FBN3: variants seen among roughly 807,000 people sequenced by gnomAD.
The protein encoded by FBN3 is fibrillin 3.
A neutral mutation model predicts 330.1 loss-of-function variants in FBN3; 234 were observed. That is an observed-to-expected ratio of 0.71 (90% CI 0.64 to 0.79). The LOEUF is 0.79. FBN3 is among the 30% of genes least tolerant of loss of function. The pLI, the probability that FBN3 is intolerant of heterozygous loss-of-function variation, is 0.00. For missense variants in FBN3, 3,606 were observed against 3,886.9 expected, an observed-to-expected ratio of 0.93 and a Z score of 1.92; for synonymous variants, 1,458 against 1,517.3, an observed-to-expected ratio of 0.96 and a Z score of 0.91.
At chr19:8,105,407 G>C (rs556172048) in intron 38 of FBN3, among the ~76,000 whole-genome samples, 2 of 151,956 alleles carry the variant, frequency 1.3e-5, no homozygotes, top group Admixed American at 6.6e-5. Flanking sequence ...ACAGGCGTGA[G>C]TCACCATGCC....
chr19:8,125,945 CG>C lies in FBN3; in HGVS notation c.2677del (p.Arg893AlafsTer8), dbSNP rs760893142. 2 of 1,613,872 alleles carry C rather than the reference CG, an allele frequency of 1.2e-6. No homozygotes were observed. The highest frequency in any genetic ancestry group is 2.2e-5 in the South Asian group (2 of 91,078). The stretch of plus-strand genomic sequence containing the variant: ...CATCAGGCCCTCTGGACACTCACAG[CG>C]GAAAGACCCAGCAGTGTTGACGCAA... ...GRCVNTAGSF[R>X]CECPEGLMLD... On this transcript the variant is annotated frameshift_variant, in exon 22 of 64. Transcript: ENST00000600128. LOFTEE classifies it high-confidence loss of function.
chr19:8,115,472 C>T (rs755348880), intron 30 of FBN3, 43 bp downstream of exon 30: 2 of 1,605,462 alleles, frequency 1.2e-6, no homozygotes, highest in Non-Finnish European at 1.7e-6. Context: ...CCAAAATGGC[C>T]CCGGGGAGTC....
intron 59 of FBN3, among the ~76,000 whole-genome samples, chr19:8,076,247 C>CATGTGTGTGTGCATGT (rs60725609): frequency 6.8e-6 from 1 of 147,646 alleles, no homozygotes; most frequent in African/African-American, 2.5e-5. Context: ...TGTCCGTGTG[C>CATGTGTGTGTGCATGT]GTGTGTGTGT....
At chr19:8,110,124 C>T (rs1446950681) in intron 34 of FBN3, among the ~76,000 whole-genome samples, 4 of 152,206 alleles carry the variant, frequency 2.6e-5, no homozygotes, top group Admixed American at 1.3e-4. Flanking sequence ...TGCACAATCA[C>T]GGCTCACTGC....
rs370499994 is a variant in FBN3 at position 8,130,649 on chromosome 19, G to A, written c.2044+586C>T. Among the ~76,000 whole-genome samples the A allele has an allele frequency of 6.0e-4, 34 of 56,850 alleles. 9 individuals are homozygous for A. The highest frequency in any genetic ancestry group is 2.4e-3 in the Admixed American group (14 of 5,816). 37.3% of individuals were successfully genotyped at this position (56,850 alleles called of 152,430 possible). A position where few individuals can be genotyped will look rare whatever the true frequency, so the allele number is the denominator to read the frequency against. On this transcript the variant is annotated intron_variant, in intron 16 of 63. Transcript: ENST00000600128. ...GAAAGAAAGAAAGAAAGAAAGGAAA[G>A]GAAAGGAAAGGAAAAGAAAAGAAAA...
Position 8,102,730 on chromosome 19 carries a change from T to A in FBN3, c.5083A>T (p.Ile1695Phe), listed in dbSNP as rs1568397229. The A allele has an allele frequency of 6.2e-7, 1 of 1,612,200 alleles. No individual in the cohort carries two copies. Among genetic ancestry groups the A allele is most frequent in the East Asian group, 2.2e-5 (1 of 44,824 alleles). The change falls in exon 40 of 64, where the codon ATC becomes TTC. Residue 1695 changes from isoleucine (I) to phenylalanine (F), a missense_variant. Ile to Phe is a conservative substitution (Grantham distance 21, BLOSUM62 0). Transcript: ENST00000600128. ...NRPCEACPTP[I>F]SPDYQILCGN... ...GTTGGGGAGGGTTACTCACGACTGA[T>A]GGGAGTGGGGCAGGCCTCACAGGGT...
chr19:8,135,971 CT>C lies in FBN3; in HGVS notation c.1580del (p.Lys527ArgfsTer57). On this transcript the variant is annotated frameshift_variant, in exon 13 of 64. Transcript: ENST00000600128. LOFTEE classifies it high-confidence loss of function. ...CCACCCCCAACTCACCCACACAGTTCTTGCCGTCAGGGCTGAGCTCGAAGCC... is the reference window on the plus strand; with the variant it reads ...CCACCCCCAACTCACCCACACAGTTCTGCCGTCAGGGCTGAGCTCGAAGCC... ...NAGFELSPDG[K>X]NCVDHNECAT... 1 of 1,544,112 alleles carries C rather than the reference CT, an allele frequency of 6.5e-7. No homozygotes were observed. The highest frequency in any genetic ancestry group is 8.7e-7 in the Non-Finnish European group (1 of 1,145,630).
In FBN3 at chr19:8,073,122, G is replaced by A; in HGVS notation, c.7878C>T (p.Ala2626=). ...GRRGPCSYSC[A]NTPGGFLCGC... Reference sequence around the variant, plus strand: ...CGCACAGGAAGCCACCAGGCGTGTTGGCACAGCTGTAGCTACAGGGGCCAC... The same window carrying A: ...CGCACAGGAAGCCACCAGGCGTGTTAGCACAGCTGTAGCTACAGGGGCCAC... The change falls in exon 62 of 64, where the codon GCC becomes GCT. Residue 2626 remains alanine (A), a synonymous_variant. Coordinates refer to ENST00000600128, the MANE Select transcript of FBN3 (RefSeq NM_032447.5). 2 of 1,613,824 alleles carry A rather than the reference G, an allele frequency of 1.2e-6. No individual in the cohort carries two copies. The highest frequency in any genetic ancestry group is 1.7e-6 in the Non-Finnish European group (2 of 1,179,918).
chr19:8,073,375 C>T, intron 61 of FBN3, 78 bp from the exon 62 acceptor site: 1 of 1,175,174 alleles, frequency 8.5e-7, no homozygotes, highest in South Asian at 1.4e-5. Context: ...AGCCCTCCAC[C>T]TGGAATGCTG....
intron 55 of FBN3, 95 bp downstream of exon 55, chr19:8,086,105 G>GAA (rs377181869): frequency 4.7e-5 from 22 of 467,214 alleles, no homozygotes; most frequent in South Asian, 1.2e-4. Context: ...AGTGAAGGGG[G>GAA]CAGGCAGTGG....
intron 56 of FBN3, 29 bp from the exon 57 acceptor site, chr19:8,083,401 T>C (rs1254169286): frequency 6.2e-7 from 1 of 1,612,484 alleles, no homozygotes; most frequent in Admixed American, 1.7e-5. Flanking sequence ...CAAATGGGGC[T>C]GGCTGGCTGC....
chr19:8,105,168 T>A (rs1221413064), intron 38 of FBN3, among the ~76,000 whole-genome samples: 2 of 151,980 alleles, frequency 1.3e-5, no homozygotes, highest in Non-Finnish European at 2.9e-5. Context: ...TTGGCCAGGC[T>A]GGTCTCGAAC....
At position 8,129,008 on chromosome 19, in the gene FBN3, G is replaced by A. The variant is rs369456048; in HGVS notation, c.2296+20C>T. On this transcript the variant is annotated intron_variant, in intron 18 of 63. Coordinates refer to ENST00000600128, the MANE Select transcript of FBN3 (RefSeq NM_032447.5). This position sits in a 1 kb window ranked among gnomAD's most constrained non-coding sequence, Gnocchi z 4.5. Reference sequence around the variant, plus strand: ...AGCATATGTGTGTGTGCAAACCCACGTGAGCCCGGGACCCAGTACCTTTGC... The same window carrying A: ...AGCATATGTGTGTGTGCAAACCCACATGAGCCCGGGACCCAGTACCTTTGC... 19 of 1,604,542 alleles carry A rather than the reference G, an allele frequency of 1.2e-5. No homozygotes were observed. Among genetic ancestry groups the A allele is most frequent in the African/African-American group, 9.4e-5 (7 of 74,822 alleles).
intron 34 of FBN3, among the ~76,000 whole-genome samples, chr19:8,110,144 C>G (rs2082543565): frequency 6.6e-6 from 1 of 152,246 alleles, no homozygotes; most frequent in Non-Finnish European, 1.5e-5. Context: ...CAGCCTCAAA[C>G]TCCTGGGCTC....
At chr19:8,128,857 G>C (rs1210699176) in intron 18 of FBN3, among the ~76,000 whole-genome samples, 171 bp downstream of exon 18, 2 of 151,864 alleles carry the variant, frequency 1.3e-5, no homozygotes, top group Non-Finnish European at 2.9e-5. Flanking sequence ...GTGAGTATCT[G>C]AGCGTGTGCA....
chr19:8,101,125 A>G (rs1162150751), intron 40 of FBN3, among the ~76,000 whole-genome samples, 153 bp from the exon 41 acceptor site: 3 of 151,634 alleles, frequency 2.0e-5, no homozygotes, highest in Non-Finnish European at 4.4e-5. Context: ...CCTTCCACTT[A>G]TTTAATTTAA....
chr19:8,126,084 G>A lies in FBN3; in HGVS notation c.2606-67C>T, dbSNP rs2082974939. On this transcript the variant is annotated intron_variant, in intron 21 of 63. Transcript: ENST00000600128. ...AAGGGTGCTGGCTGGCCATTCCCCT[G>A]GGGTCTCAAGTTGTCCTTGAGGAGG... The A allele has an allele frequency of 6.9e-6, 11 of 1,604,290 alleles. No homozygotes were observed. In the East Asian group the frequency reaches 2.5e-4, roughly 36 times the overall value.
intron 32 of FBN3, 26 bp downstream of exon 32, chr19:8,111,622 C>G: frequency 6.7e-7 from 1 of 1,492,014 alleles, no homozygotes; most frequent in South Asian, 1.2e-5. Context: ...TCTAGGGCCC[C>G]TGCCCTCCCA....
chr19:8,092,075 G>A (rs2082108683), intron 47 of FBN3, among the ~76,000 whole-genome samples: 1 of 151,986 alleles, frequency 6.6e-6, no homozygotes, highest in South Asian at 2.1e-4. Context: ...CTATTCTGGA[G>A]GCTGAGGTAG....
Sources: gnomAD v4.1 joint callset for allele counts (sites outside exome capture counted in the v4.1 genomes callset) on GRCh38, gnomAD v4.1.1 for gene constraint, Gnocchi (gnomAD v3.1) non-coding constraint, MANE v1.5 for transcripts, NCBI Gene and HGNC (gene_info 2026-07-23, HGNC 2026-07-21) for gene names.